The following VEPH1 variants were observed in gnomAD, a reference collection of about 807,000 sequenced individuals.
VEPH1 encodes the protein ventricular zone-expressed PH domain-containing protein homolog 1.
Under a neutral mutation model 85.2 loss-of-function variants are expected in VEPH1, and 80 were observed. That is an observed-to-expected ratio of 0.94 (90% confidence interval 0.78 to 1.13). The LOEUF (loss-of-function observed/expected upper bound fraction) is 1.13, where lower values mean the gene tolerates loss of function less well. Among genes scored for constraint, VEPH1 ranks in the 50% most tolerant of loss-of-function variants. The pLI is 0.00. For missense variants in VEPH1, 955 were observed against 980.5 expected (o/e 0.97, Z 0.35); for synonymous variants, 297 against 348.0 (o/e 0.85, Z 1.63).
chr3:157,468,655 A>T (rs1407272618), intron 3 of VEPH1, among the ~76,000 whole-genome samples: 2 of 152,152 alleles, frequency 1.3e-5, no homozygotes, highest in East Asian at 3.8e-4. Context: ...TATTGATTGC[A>T]TGTTGAAGTG....
intron 12 of VEPH1, among the ~76,000 whole-genome samples, chr3:157,269,643 T>TTG (rs1714267093): frequency 6.7e-4 from 12 of 17,862 alleles, no homozygotes; most frequent in African/African-American, 2.9e-3. Flanking sequence ...GTTTTTGTTG[T>TTG]TTTTTTTTTT....
intron 2 of VEPH1, among the ~76,000 whole-genome samples, chr3:157,479,492 G>C (rs1240751582): frequency 6.6e-6 from 1 of 152,148 alleles, no homozygotes; most frequent in East Asian, 1.9e-4. Context: ...CAGTCTTCAG[G>C]GAATGGCCCA....
At chr3:157,294,356 T>C (rs1269353972) in intron 11 of VEPH1, among the ~76,000 whole-genome samples, 1 of 152,252 alleles carries the variant, frequency 6.6e-6, no homozygotes, top group Non-Finnish European at 1.5e-5. Flanking sequence ...AACAGATACG[T>C]ATTCTTGAAA....
chr3:157,429,293 CTACTT>C (rs1398732514), intron 4 of VEPH1, among the ~76,000 whole-genome samples: 1 of 152,044 alleles, frequency 6.6e-6, no homozygotes, highest in Non-Finnish European at 1.5e-5. Context: ...TTTTTTGACT[CTACTT>C]TTACTTTAAA....
chr3:157,388,530 A>C (rs1729535119), intron 6 of VEPH1, among the ~76,000 whole-genome samples: 1 of 152,132 alleles, frequency 6.6e-6, no homozygotes, highest in Non-Finnish European at 1.5e-5. Context: ...CCTCTGGAGA[A>C]TGTAGGCAGG....
At chr3:157,357,756 G>A (rs1255588139) in intron 9 of VEPH1, among the ~76,000 whole-genome samples, 3 of 152,322 alleles carry the variant, frequency 2.0e-5, no homozygotes, top group African/African-American at 7.2e-5. Context: ...GCCTCCCAAA[G>A]TGTTGGGATT....
intron 11 of VEPH1, among the ~76,000 whole-genome samples, chr3:157,304,038 T>TATATATATATATATACACACACACACAC: frequency 0.013 from 1,238 of 96,804 alleles, 56 homozygotes; most frequent in Non-Finnish European, 0.021. Flanking sequence ...TATATATATA[T>TATATATATATATATACACACACACACAC]ACACACATAC....
intron 9 of VEPH1, among the ~76,000 whole-genome samples, chr3:157,362,537 T>C (rs1049952328): frequency 5.9e-5 from 9 of 152,186 alleles, no homozygotes; most frequent in African/African-American, 1.4e-4. Flanking sequence ...CATAAGATGG[T>C]TGAATTTACC....
At chr3:157,455,043 C>G (rs1306956760) in intron 4 of VEPH1, among the ~76,000 whole-genome samples, 1 of 152,102 alleles carries the variant, frequency 6.6e-6, no homozygotes, top group Non-Finnish European at 1.5e-5. Flanking sequence ...AATAGTGTTG[C>G]AATGAAGATA....
At chr3:157,318,543 T>C (rs1721001967) in intron 9 of VEPH1, among the ~76,000 whole-genome samples, 1 of 148,058 alleles carries the variant, frequency 6.8e-6, no homozygotes, top group South Asian at 2.1e-4. Context: ...GGAGGTGGAG[T>C]CTGCAGTGAG....
At chr3:157,324,772 A>C (rs1401188976) in intron 9 of VEPH1, among the ~76,000 whole-genome samples, 2 of 151,620 alleles carry the variant, frequency 1.3e-5, no homozygotes, top group Non-Finnish European at 2.9e-5. Context: ...TGTCTTTGCT[A>C]TTGTGAATAG....
At chr3:157,274,379 G>T (rs888982626) in intron 12 of VEPH1, among the ~76,000 whole-genome samples, 7 of 152,172 alleles carry the variant, frequency 4.6e-5, no homozygotes, top group African/African-American at 1.2e-4. Context: ...AATAGTAAGA[G>T]AATTCAGAGT....
chr3:157,329,466 G>A (rs1722272443), intron 9 of VEPH1, among the ~76,000 whole-genome samples: 1 of 152,188 alleles, frequency 6.6e-6, no homozygotes, highest in Admixed American at 6.5e-5. Context: ...ATAAATTCAT[G>A]CTTTACATGA....
chr3:157,326,570 G>A (rs1278840901), intron 9 of VEPH1, among the ~76,000 whole-genome samples: 1 of 152,170 alleles, frequency 6.6e-6, no homozygotes, highest in African/African-American at 2.4e-5. Context: ...TATGAAGAGG[G>A]TGACAGCTTG....
rs1733591202 is a variant in VEPH1, at chr3:157,436,564, C to G, written c.530-8076G>C. On this transcript the variant is annotated intron_variant, in intron 4 of 13. Coordinates refer to ENST00000362010, the MANE Select transcript of VEPH1 (RefSeq NM_001167912.2). ...TCTCCCCTACCACCCCTCCTTCATC[C>G]CCATTGCTATCAATTCAAATTACAA... Among the ~76,000 whole-genome samples the G allele has an allele frequency of 3.9e-5, 6 of 152,164 alleles. No individual in the cohort carries two copies. The South Asian group carries it at 1.2e-3, about 32-fold the overall frequency.
rs558190370 is a variant in VEPH1 at position 157,315,914 on chromosome 3, C to T, written c.1875+1148G>A. ...AAGCAAAATAGAAGAAAAATAAGGT[C>T]GTTATTTCAAGAAAACGAAAGACAG... On this transcript the variant is annotated intron_variant, in intron 10 of 13. Coordinates refer to ENST00000362010, the MANE Select transcript of VEPH1 (RefSeq NM_001167912.2). 52 of 151,668 alleles carry T rather than the reference C, an allele frequency of 3.4e-4. No homozygotes were observed. The Middle Eastern group carries it at 0.01, about 30-fold the overall frequency. The allele number at this position is 151,668 out of a possible 1,614,324, so 9.4% of individuals were successfully genotyped here.
chr3:157,430,148 A>G (rs1733033219), intron 4 of VEPH1, among the ~76,000 whole-genome samples: 1 of 152,230 alleles, frequency 6.6e-6, no homozygotes, highest in African/African-American at 2.4e-5. Context: ...TTAACCTTAT[A>G]TGATAATTGC....
intron 12 of VEPH1, among the ~76,000 whole-genome samples, chr3:157,267,102 CTTTTTTTT>C (rs10537483): frequency 2.4e-5 from 3 of 124,676 alleles, no homozygotes; most frequent in African/African-American, 9.1e-5. Flanking sequence ...TCTTTTTTTT[CTTTTTTTT>C]TTTTTTTTGA....
intron 9 of VEPH1, among the ~76,000 whole-genome samples, chr3:157,355,554 G>A (rs1042100592): frequency 3.3e-5 from 5 of 152,154 alleles, no homozygotes; most frequent in South Asian, 2.1e-4. Flanking sequence ...ATTCTTGTGC[G>A]TTGAGGCTTA....
Sources: allele counts gnomAD v4.1 joint callset (sites outside exome capture counted in the v4.1 genomes callset), GRCh38; gene constraint gnomAD v4.1.1; transcripts MANE v1.5; gene names NCBI Gene and HGNC (gene_info 2026-07-23, HGNC 2026-07-21).